Variants in PDE4D observed in about 807,000 individuals in gnomAD.
The protein encoded by PDE4D is phosphodiesterase 4D.
PDE4D carries 24 observed loss-of-function variants against 87.4 expected under a neutral mutation model. That is an observed-to-expected ratio of 0.27 (90% confidence interval 0.20 to 0.39). The LOEUF is 0.39. PDE4D is among the 10% of genes least tolerant of loss of function. The pLI is 1.00. For missense variants in PDE4D, 714 were observed against 1,041.0 expected (o/e 0.69, Z 4.32); for synonymous variants, 384 against 383.2 (o/e 1.00, Z -0.02).
chr5:60,327,024 C>T (rs964044979), intron 1 of PDE4D, among the ~76,000 whole-genome samples: 1 of 152,134 alleles, frequency 6.6e-6, no homozygotes, highest in Non-Finnish European at 1.5e-5. Flanking sequence ...CCCCTGCTTA[C>T]ATATCCCATG....
chr5:59,574,022 ATATATAAAAATATATATTTATATATATT>A (rs1822377303), intron 1 of PDE4D, among the ~76,000 whole-genome samples: 3 of 119,958 alleles, frequency 2.5e-5, no homozygotes, highest in African/African-American at 6.9e-5. Flanking sequence ...ATATATATAT[ATATATAAAAATATATATTTATATATATT>A]TATATATAAA....
At chr5:59,269,842 T>C (rs1343919258) in intron 1 of PDE4D, among the ~76,000 whole-genome samples, 1 of 152,118 alleles carries the variant, frequency 6.6e-6, no homozygotes, top group Non-Finnish European at 1.5e-5. Flanking sequence ...TTCATTTATA[T>C]TAACTTCAAC....
intron 1 of PDE4D, among the ~76,000 whole-genome samples, chr5:59,857,901 G>T (rs1323925697): frequency 1.6e-5 from 2 of 124,748 alleles, no homozygotes; most frequent in Admixed American, 1.8e-4. Context: ...AGGAAGGAAA[G>T]AAGGAAGGGG....
At chr5:59,682,185 C>G (rs1361045443) in intron 1 of PDE4D, among the ~76,000 whole-genome samples, 1 of 152,122 alleles carries the variant, frequency 6.6e-6, no homozygotes, top group African/African-American at 2.4e-5. Flanking sequence ...GATTCCAAAG[C>G]TATTGGGTAA....
chr5:59,942,930 C>T (rs575174413), intron 3 of PDE4D, among the ~76,000 whole-genome samples: 3 of 151,526 alleles, frequency 2.0e-5, no homozygotes, highest in African/African-American at 4.9e-5. Context: ...ACTTGTGGGG[C>T]GAGGGACACA....
chr5:59,237,396 G>T (rs73760116), intron 1 of PDE4D, among the ~76,000 whole-genome samples: 3 of 151,994 alleles, frequency 2.0e-5, no homozygotes, highest in African/African-American at 7.2e-5. Flanking sequence ...TATTTTATTT[G>T]CATTTCATAA....
intron 1 of PDE4D, among the ~76,000 whole-genome samples, chr5:59,588,840 G>T (rs1825554881): frequency 1.3e-5 from 2 of 151,990 alleles, no homozygotes; most frequent in South Asian, 4.1e-4. Context: ...ACCCCTTTTT[G>T]CTAAAGGGAC....
rs1178125586 is a variant in PDE4D at position 59,201,911 on chromosome 5, G to A, written c.648-8375C>T. On this transcript the variant is annotated intron_variant, in intron 2 of 14. Coordinates refer to ENST00000340635, the MANE Select transcript of PDE4D (RefSeq NM_001104631.2). ...TCAAAGAAAATGTAAATTAATATAT[G>A]AGTAACATTAAAGCTGTCTAGTATT... Among the ~76,000 whole-genome samples the A allele has an allele frequency of 2.6e-5, 4 of 151,850 alleles. No homozygotes were observed. The South Asian group carries it at 6.2e-4, about 24-fold the overall frequency.
At chr5:60,210,349 T>G (rs1743049557) in intron 1 of PDE4D, among the ~76,000 whole-genome samples, 1 of 151,378 alleles carries the variant, frequency 6.6e-6, no homozygotes, top group Admixed American at 6.6e-5. Context: ...TCTCATTTGT[T>G]TTTTTTTTAA....
intron 1 of PDE4D, among the ~76,000 whole-genome samples, chr5:59,548,867 C>T (rs182309867): frequency 9.2e-5 from 14 of 152,138 alleles, no homozygotes; most frequent in Admixed American, 8.5e-4. Context: ...CCCATGACAC[C>T]CCACTAGAAC....
chr5:59,675,900 C>T (rs1175653393), intron 1 of PDE4D, among the ~76,000 whole-genome samples: 4 of 152,152 alleles, frequency 2.6e-5, no homozygotes, highest in South Asian at 2.1e-4. Flanking sequence ...CTATGTTGCC[C>T]TGGCTGATCT....
chr5:59,028,102 G>A (rs979624163), intron 6 of PDE4D, among the ~76,000 whole-genome samples: 9 of 152,086 alleles, frequency 5.9e-5, no homozygotes, highest in Non-Finnish European at 1.2e-4. Flanking sequence ...CTATTCTTCT[G>A]CACTGCATTA....
intron 1 of PDE4D, among the ~76,000 whole-genome samples, chr5:60,446,126 A>G (rs1745620193): frequency 6.6e-6 from 1 of 152,152 alleles, no homozygotes; most frequent in African/African-American, 2.4e-5. Context: ...GATTGGCAAC[A>G]TTTTTAGAAA....
At chr5:59,422,485 G>A (rs1051682608) in intron 1 of PDE4D, among the ~76,000 whole-genome samples, 1 of 152,034 alleles carries the variant, frequency 6.6e-6, no homozygotes, top group Admixed American at 6.6e-5. Context: ...GTCAGCATTC[G>A]CCACTTCATT....
At chr5:59,322,596 C>T (rs1774908181) in intron 1 of PDE4D, among the ~76,000 whole-genome samples, 1 of 152,080 alleles carries the variant, frequency 6.6e-6, no homozygotes, top group Non-Finnish European at 1.5e-5. Flanking sequence ...TCTATATTTA[C>T]ATTATGTTTT....
At chr5:59,770,277 G>GAC (rs138302820) in intron 1 of PDE4D, among the ~76,000 whole-genome samples, 3,020 of 152,274 alleles carry the variant, frequency 0.02, 106 homozygotes, top group African/African-American at 0.07. Context: ...CTGAGGGACT[G>GAC]AACGGCCTTA....
intron 1 of PDE4D, among the ~76,000 whole-genome samples, chr5:59,391,761 T>C (rs75446920): frequency 0.023 from 3,478 of 152,014 alleles, 137 homozygotes; most frequent in African/African-American, 0.08. Flanking sequence ...GGAGGACTTT[T>C]TGTACCTCCT....
intron 2 of PDE4D, among the ~76,000 whole-genome samples, chr5:60,113,981 T>G (rs1777915204): frequency 1.3e-5 from 2 of 152,260 alleles, no homozygotes; most frequent in East Asian, 3.9e-4. Context: ...GTGGCAATAT[T>G]TACTGGAATG....
At chr5:59,219,484 A>G (rs1326407675) in intron 1 of PDE4D, among the ~76,000 whole-genome samples, 1 of 152,132 alleles carries the variant, frequency 6.6e-6, no homozygotes, top group Non-Finnish European at 1.5e-5. Flanking sequence ...TCCAGTCTGA[A>G]GTATCAGCCA....
Sources: gnomAD v4.1 joint callset for allele counts (sites outside exome capture counted in the v4.1 genomes callset) on GRCh38, gnomAD v4.1.1 for gene constraint, MANE v1.5 for transcripts, NCBI Gene and HGNC (gene_info 2026-07-23, HGNC 2026-07-21) for gene names.